PTPRN2: variants seen among roughly 807,000 people sequenced by gnomAD.
PTPRN2 encodes receptor-type tyrosine-protein phosphatase N2.
Under a neutral mutation model 118.8 loss-of-function variants are expected in PTPRN2, and 74 were observed. The ratio of observed to expected loss-of-function variants is 0.62; its 90% confidence interval spans 0.52 to 0.76. PTPRN2 has a LOEUF of 0.76. Ranked by LOEUF, PTPRN2 falls within the 30% of genes least tolerant of loss-of-function variation. PTPRN2 has a pLI of 0.00. For missense variants in PTPRN2, 1,481 were observed against 1,394.4 expected, an observed-to-expected ratio of 1.06 and a Z score of -0.99; for synonymous variants, 641 against 608.0, an observed-to-expected ratio of 1.05 and a Z score of -0.80.
At chr7:158,432,153 C>T (rs1478519762) in intron 2 of PTPRN2, among the ~76,000 whole-genome samples, 2 of 152,174 alleles carry the variant, frequency 1.3e-5, no homozygotes, top group Non-Finnish European at 2.9e-5. Context: ...CTCGCTGGAC[C>T]TTTAATGACG....
chr7:158,328,796 C>G (rs1266695063), intron 2 of PTPRN2, among the ~76,000 whole-genome samples: 3 of 118,002 alleles, frequency 2.5e-5, no homozygotes, highest in Non-Finnish European at 3.5e-5. Flanking sequence ...CCTCCATTCC[C>G]CCCCCCCCGC....
At chr7:158,230,178 A>G (rs537936923) in intron 3 of PTPRN2, among the ~76,000 whole-genome samples, 5 of 152,346 alleles carry the variant, frequency 3.3e-5, no homozygotes, top group Admixed American at 2.0e-4. Flanking sequence ...ACTATAAAGG[A>G]GAGATAAAGT....
At chr7:158,218,025 G>A (rs1003360815) in intron 3 of PTPRN2, among the ~76,000 whole-genome samples, 2 of 152,138 alleles carry the variant, frequency 1.3e-5, no homozygotes, top group African/African-American at 4.8e-5. Flanking sequence ...CATAGTTGAG[G>A]ATACAGTCCA....
chr7:157,806,650 G>A (rs1805655563), intron 12 of PTPRN2, among the ~76,000 whole-genome samples: 1 of 152,226 alleles, frequency 6.6e-6, no homozygotes, highest in Admixed American at 6.5e-5. Context: ...GTGTGTGTGT[G>A]TGTACATCTT....
In PTPRN2 at chr7:157,745,986, C is replaced by T. The variant is rs145114346; in HGVS notation, c.1789-63049G>A. ...CCTCCCCTGCACCCCACAGTCCTCA[C>T]AGGGCCCTGAGTGTGGAGATCACAG... On this transcript the variant is annotated intron_variant, in intron 12 of 22. Coordinates refer to ENST00000389418, the MANE Select transcript of PTPRN2 (RefSeq NM_002847.5). 8.4e-5 allele frequency among the ~76,000 whole-genome samples: 12 copies of T among 142,502 alleles called. No individual in the cohort carries two copies. The East Asian group carries it at 2.6e-3, about 30-fold the overall frequency. The allele number at this position is 142,502 out of a possible 152,430, so 93.5% of individuals were successfully genotyped here. A position where few individuals can be genotyped will look rare whatever the true frequency, so the allele number is the denominator to read the frequency against.
chr7:157,846,465 C>T (rs1268059008), intron 12 of PTPRN2, among the ~76,000 whole-genome samples: 1 of 151,896 alleles, frequency 6.6e-6, no homozygotes, highest in Non-Finnish European at 1.5e-5. Flanking sequence ...CTTTCCCCTC[C>T]CCTGGGTGAT....
chr7:157,786,011 G>C (rs1377307812), intron 12 of PTPRN2, among the ~76,000 whole-genome samples: 2 of 152,186 alleles, frequency 1.3e-5, no homozygotes, highest in African/African-American at 2.4e-5. Flanking sequence ...ATGGTCCCGT[G>C]CAAGTGCCAG....
At chr7:158,537,444 A>T (rs1472462025) in intron 1 of PTPRN2, 1 of 152,286 alleles carries the variant, frequency 6.6e-6, no homozygotes, top group Non-Finnish European at 1.5e-5. Flanking sequence ...CAGCCCAAGG[A>T]CAGGCCAGCG....
chr7:158,309,679 CAT>C (rs1246745371), intron 3 of PTPRN2, among the ~76,000 whole-genome samples: 2 of 152,080 alleles, frequency 1.3e-5, no homozygotes, highest in Admixed American at 6.5e-5. Flanking sequence ...AATCCAGAAA[CAT>C]ATAAAAAGAA....
chr7:157,701,384 A>G (rs796396491), intron 12 of PTPRN2, among the ~76,000 whole-genome samples: 42 of 152,348 alleles, frequency 2.8e-4, no homozygotes, highest in African/African-American at 9.9e-4. Flanking sequence ...TATTAATAAT[A>G]GTTACTATTC....
At position 158,391,273 on chromosome 7, in the gene PTPRN2, G is replaced by A. The variant is rs1037772727; in HGVS notation, c.164-74341C>T. 3.3e-5 allele frequency among the ~76,000 whole-genome samples: 5 copies of A among 152,332 alleles called. No homozygotes were observed. The East Asian group carries it at 9.7e-4, about 29-fold the overall frequency. ...ATGGCCGAGGAGAAAGGGGCTGTGA[G>A]CCCACGCCATCCCTCCAAGCCTGGA... On this transcript the variant is annotated intron_variant, in intron 2 of 22. Coordinates refer to ENST00000389418, the MANE Select transcript of PTPRN2 (RefSeq NM_002847.5).
intron 13 of PTPRN2, among the ~76,000 whole-genome samples, chr7:157,677,175 G>A (rs192107595): frequency 1.3e-5 from 2 of 152,308 alleles, no homozygotes; most frequent in Admixed American, 1.3e-4. Flanking sequence ...ACCCAGGTGT[G>A]AAAAGCTACC....
intron 11 of PTPRN2, among the ~76,000 whole-genome samples, chr7:157,989,719 G>A (rs990234341): frequency 2.0e-5 from 3 of 152,240 alleles, no homozygotes; most frequent in Non-Finnish European, 4.4e-5. Flanking sequence ...GGTACCTGAC[G>A]GGCCGGAATG....
At chr7:157,935,029 G>C (rs1204337236) in intron 11 of PTPRN2, among the ~76,000 whole-genome samples, 1 of 152,160 alleles carries the variant, frequency 6.6e-6, no homozygotes, top group African/African-American at 2.4e-5. Context: ...CAGTCCTCAT[G>C]CATATCATTG....
chr7:158,160,269 G>A (rs887245733), intron 6 of PTPRN2, among the ~76,000 whole-genome samples: 1 of 152,154 alleles, frequency 6.6e-6, no homozygotes, highest in Non-Finnish European at 1.5e-5. Flanking sequence ...GAGAGGGCTG[G>A]GGGAAGGTCT....
intron 11 of PTPRN2, among the ~76,000 whole-genome samples, chr7:157,936,990 T>C (rs891247883): frequency 2.0e-5 from 3 of 152,262 alleles, no homozygotes; most frequent in Admixed American, 6.5e-5. Flanking sequence ...AAAGTATTTT[T>C]TCTCTTGTAG....
chr7:157,848,905 A>G (rs1178470397), intron 12 of PTPRN2, among the ~76,000 whole-genome samples: 1 of 152,188 alleles, frequency 6.6e-6, no homozygotes. Context: ...TGGACCACTC[A>G]CTTGGCCGCT....
At chr7:158,538,473 C>T (rs1022825768) in intron 1 of PTPRN2, among the ~76,000 whole-genome samples, 2 of 152,148 alleles carry the variant, frequency 1.3e-5, no homozygotes, top group African/African-American at 2.4e-5. Flanking sequence ...TGCAAGTTTC[C>T]AAGGAAAAAG....
In PTPRN2 at chr7:158,455,977, C is replaced by G. The variant is rs13243599; in HGVS notation, c.163+33758G>C. ...AAGAAGATAACGGCATGGACGCCATCGGCCACGGCCACCCATTGCTCTGCA... is the reference window on the plus strand; with the variant it reads ...AAGAAGATAACGGCATGGACGCCATGGGCCACGGCCACCCATTGCTCTGCA... On this transcript the variant is annotated intron_variant, in intron 2 of 22. Coordinates refer to ENST00000389418, the MANE Select transcript of PTPRN2 (RefSeq NM_002847.5). Among the ~76,000 whole-genome samples, 3 of 150,516 alleles carry G rather than the reference C, an allele frequency of 2.0e-5. No individual in the cohort carries two copies. In the East Asian group the frequency reaches 6.0e-4, roughly 30 times the overall value.
Sources: allele counts gnomAD v4.1 joint callset (sites outside exome capture counted in the v4.1 genomes callset), GRCh38; gene constraint gnomAD v4.1.1; transcripts MANE v1.5; gene names NCBI Gene and HGNC (gene_info 2026-07-23, HGNC 2026-07-21).